Variants in COL5A1 observed in about 807,000 individuals in gnomAD.
COL5A1 encodes collagen alpha-1(V) chain.
In COL5A1, 16 loss-of-function variants were observed where a neutral mutation model predicts 263.7. The observed-to-expected ratio is 0.06, with a 90% CI of 0.04 to 0.09. The LOEUF (loss-of-function observed/expected upper bound fraction) is 0.09. Among genes scored for constraint, COL5A1 ranks in the 10% least tolerant of loss-of-function variants. The pLI, the probability that COL5A1 is intolerant of heterozygous loss-of-function variation, is 1.00. For missense variants in COL5A1, 2,036 were observed against 2,540.5 expected, an observed-to-expected ratio of 0.80 and a Z score of 4.27; for synonymous variants, 1,012 against 1,004.5, an observed-to-expected ratio of 1.01 and a Z score of -0.14.
At chr9:134,750,454 G>A in intron 11 of COL5A1, 88 bp from the exon 12 acceptor site, 1 of 1,221,204 alleles carries the variant, frequency 8.2e-7, no homozygotes, top group Non-Finnish European at 1.2e-6. Flanking sequence ...TCCCGGGTGG[G>A]CCGCTTCTCC....
At chr9:134,697,597 C>T (rs1232114259) in intron 2 of COL5A1, among the ~76,000 whole-genome samples, 6 of 152,110 alleles carry the variant, frequency 3.9e-5, no homozygotes, top group South Asian at 2.1e-4. Flanking sequence ...TGGGTGTGGA[C>T]GGGGACCTGA....
chr9:134,701,052 C>T (rs1221097200), intron 3 of COL5A1, 119 bp from the exon 4 acceptor site: 1 of 1,027,994 alleles, frequency 9.7e-7, no homozygotes, highest in Non-Finnish European at 1.5e-6. Context: ...ATCTGCTCCG[C>T]CCCACCACGA....
intron 11 of COL5A1, among the ~76,000 whole-genome samples, chr9:134,746,274 G>A (rs7858851): frequency 0.2 from 30,096 of 152,108 alleles, 3,244 homozygotes; most frequent in East Asian, 0.35. Flanking sequence ...CTGGAGAGAC[G>A]CCTGCACACT....
intron 18 of COL5A1, among the ~76,000 whole-genome samples, chr9:134,759,551 AC>A (rs1564438193): frequency 1.8e-4 from 18 of 102,076 alleles, no homozygotes; most frequent in African/African-American, 9.2e-4. Flanking sequence ...GCGCACACAC[AC>A]TCATACACAC....
At chr9:134,732,192 G>A (rs1196998297) in intron 9 of COL5A1, 65 bp downstream of exon 9, 5 of 1,570,302 alleles carry the variant, frequency 3.2e-6, no homozygotes, top group Non-Finnish European at 4.4e-6. Flanking sequence ...ACAGCGGGGT[G>A]TGTAGGGTGT....
chr9:134,773,511 C>T (rs1044151038), intron 26 of COL5A1, among the ~76,000 whole-genome samples: 26 of 152,338 alleles, frequency 1.7e-4, no homozygotes, highest in African/African-American at 6.0e-4. Context: ...AACCGCACAC[C>T]GAGCTCATGG....
rs1025731197 is a variant in COL5A1 at position 134,789,926 on chromosome 9, G to A, written c.2700+718G>A. ...TGGACTCTGAGCTGGCCTTGTCCAC[G>A]GGGCATATGGCGGGGACAGAGAAAG... is the stretch of plus-strand genomic sequence containing the variant. On this transcript the variant is annotated intron_variant, in intron 32 of 65. Transcript: ENST00000371817. This position sits in a 1 kb window ranked among gnomAD's most constrained non-coding sequence, Gnocchi z 4.8. 3.3e-5 allele frequency among the ~76,000 whole-genome samples: 5 copies of A among 152,220 alleles called. No homozygotes were observed. Among genetic ancestry groups the A allele is most frequent in the Admixed American group, 1.3e-4 (2 of 15,288 alleles).
chr9:134,762,197 A>C (rs1836475243), intron 19 of COL5A1, among the ~76,000 whole-genome samples: 3 of 152,162 alleles, frequency 2.0e-5, no homozygotes, highest in Non-Finnish European at 1.5e-5. Flanking sequence ...ACGTTTAGTT[A>C]CTCCATCGGT....
At chr9:134,783,559 C>T (rs1022523708) in intron 29 of COL5A1, among the ~76,000 whole-genome samples, 8 of 152,134 alleles carry the variant, frequency 5.3e-5, no homozygotes, top group African/African-American at 1.7e-4. Context: ...TGGGCACAGC[C>T]GTGGTGACAG....
chr9:134,715,434 C>A (rs1434712980), intron 4 of COL5A1, among the ~76,000 whole-genome samples: 1 of 152,110 alleles, frequency 6.6e-6, no homozygotes, highest in Non-Finnish European at 1.5e-5. Context: ...TGCAAAGAGG[C>A]CTTCCTCTTT....
intron 33 of COL5A1, 60 bp from the exon 34 acceptor site, chr9:134,795,202 G>A: frequency 6.2e-7 from 1 of 1,612,606 alleles, no homozygotes; most frequent in South Asian, 1.1e-5. Context: ...AGGGGCTGGG[G>A]GAAGGCAGTG....
chr9:134,825,894 A>G lies in COL5A1; in HGVS notation c.5057A>G (p.Lys1686Arg), dbSNP rs748278656. 6.8e-6 allele frequency: 11 copies of G among 1,611,440 alleles called. No individual in the cohort carries two copies. The South Asian group carries it at 8.8e-5, about 13-fold the overall frequency. Residue 1686 changes from lysine to arginine, a missense_variant, in exon 63 of 66, where the codon AAG becomes AGG. Coordinates refer to ENST00000371817, the MANE Select transcript of COL5A1 (RefSeq NM_000093.5). The stretch of plus-strand genomic sequence containing the variant: ...TCGACATGCGTCTTCCCTGACAAGA[A>G]GTCCGAAGGGGTGAGTAGCTGTGTC... ...GGSTCVFPDK[K>R]SEGARITSWP...
chr9:134,685,855 A>C (rs1833057319), intron 1 of COL5A1, among the ~76,000 whole-genome samples: 2 of 139,588 alleles, frequency 1.4e-5, no homozygotes, highest in South Asian at 2.3e-4. Flanking sequence ...ATCCATCATC[A>C]TCCATCCATC....
chr9:134,760,784 G>GCA (rs1430480087), intron 18 of COL5A1, among the ~76,000 whole-genome samples: 1 of 113,256 alleles, frequency 8.8e-6, no homozygotes, highest in African/African-American at 3.7e-5. Flanking sequence ...ACCTACACAT[G>GCA]CACACACACG....
chr9:134,806,079 G>A, intron 41 of COL5A1, 110 bp from the exon 42 acceptor site: 1 of 813,456 alleles, frequency 1.2e-6, no homozygotes, highest in South Asian at 1.5e-5. Flanking sequence ...GGGAGCCACT[G>A]TGGGCTCTAG....
chr9:134,670,181 C>T (rs1053328072), intron 1 of COL5A1, among the ~76,000 whole-genome samples: 1 of 152,222 alleles, frequency 6.6e-6, no homozygotes, highest in Non-Finnish European at 1.5e-5. Flanking sequence ...CTGTTCCTCT[C>T]ATGTTGGGTT....
chr9:134,770,628 G>T (rs1236447469), intron 25 of COL5A1, among the ~76,000 whole-genome samples: 1 of 152,242 alleles, frequency 6.6e-6, no homozygotes, highest in Non-Finnish European at 1.5e-5. Context: ...ACTCCGAGTG[G>T]TGAGGTGATG....
At chr9:134,738,626 C>A in intron 10 of COL5A1, 111 bp downstream of exon 10, 2 of 1,550,596 alleles carry the variant, frequency 1.3e-6, no homozygotes, top group Non-Finnish European at 8.9e-7. Flanking sequence ...TCCGCTTTTG[C>A]AGATCCCCTG....
At chr9:134,694,550 G>A (rs1001865526) in intron 2 of COL5A1, among the ~76,000 whole-genome samples, 1 of 152,208 alleles carries the variant, frequency 6.6e-6, no homozygotes, top group Non-Finnish European at 1.5e-5. Context: ...TGCACTTGGG[G>A]GCAGGACAGA....
Sources: allele counts gnomAD v4.1 joint callset (sites outside exome capture counted in the v4.1 genomes callset), GRCh38; gene constraint gnomAD v4.1.1; non-coding constraint Gnocchi (gnomAD v3.1); transcripts MANE v1.5; gene names NCBI Gene and HGNC (gene_info 2026-07-23, HGNC 2026-07-21).